The following FIGN variants were observed in gnomAD, a reference collection of about 807,000 sequenced individuals.
The protein encoded by FIGN is fidgetin.
Under a neutral mutation model 51.3 loss-of-function variants are expected in FIGN, and 11 were observed. The ratio of observed to expected loss-of-function variants is 0.21; its 90% CI spans 0.13 to 0.35. The LOEUF is 0.35. Ranked by LOEUF, FIGN falls within the 10% of genes least tolerant of loss-of-function variation. The pLI, the probability that FIGN is intolerant of heterozygous loss-of-function variation, is 1.00. For synonymous variants in FIGN, 407 were observed against 363.2 expected (o/e 1.12, Z -1.37); for missense variants, 857 against 943.6 (o/e 0.91, Z 1.20).
intron 2 of FIGN, among the ~76,000 whole-genome samples, chr2:163,629,459 T>G (rs1483478059): frequency 6.6e-6 from 1 of 152,044 alleles, no homozygotes; most frequent in Non-Finnish European, 1.5e-5. Context: ...ATTAGAGGAT[T>G]TTCCTCATTG....
intron 2 of FIGN, among the ~76,000 whole-genome samples, chr2:163,705,062 T>C (rs1160887501): frequency 6.6e-6 from 1 of 152,154 alleles, no homozygotes; most frequent in Non-Finnish European, 1.5e-5. Context: ...GACAACTTTA[T>C]AACACTTCTA....
chr2:163,686,532 G>A (rs1684152468), intron 2 of FIGN, among the ~76,000 whole-genome samples: 1 of 152,120 alleles, frequency 6.6e-6, no homozygotes, highest in Non-Finnish European at 1.5e-5. Context: ...AAAGAAGTGA[G>A]AAGTGTGGGC....
At chr2:163,630,813 A>T (rs1683134698) in intron 2 of FIGN, among the ~76,000 whole-genome samples, 1 of 152,172 alleles carries the variant, frequency 6.6e-6, no homozygotes, top group African/African-American at 2.4e-5. Flanking sequence ...ACTTTTTATT[A>T]TCTCTCCCTC....
At chr2:163,668,722 C>T (rs1186828830) in intron 2 of FIGN, among the ~76,000 whole-genome samples, 4 of 151,994 alleles carry the variant, frequency 2.6e-5, no homozygotes, top group African/African-American at 7.2e-5. Flanking sequence ...GGGCAGATCA[C>T]GAGGTCAGGA....
chr2:163,696,075 C>T (rs557109061), intron 2 of FIGN, among the ~76,000 whole-genome samples: 33 of 152,102 alleles, frequency 2.2e-4, no homozygotes, highest in African/African-American at 4.8e-4. Flanking sequence ...CATGCCACTG[C>T]ACTCCAGGAT....
At position 163,700,007 on chromosome 2, in the gene FIGN, G is replaced by C. The variant is rs545599236; in HGVS notation, c.25+34896C>G. ...CCTATGACTGACTGTATGAAATTAT[G>C]ATTGGAAGAAGAGATACAGAAAATT... is the stretch of plus-strand genomic sequence containing the variant. On this transcript the variant is annotated intron_variant, in intron 2 of 2. Coordinates refer to ENST00000333129, the MANE Select transcript of FIGN (RefSeq NM_018086.4). Among the ~76,000 whole-genome samples the C allele has an allele frequency of 3.3e-5, 5 of 152,110 alleles. No individual in the cohort carries two copies. In the South Asian group the frequency reaches 1.0e-3, roughly 32 times the overall value.
intron 2 of FIGN, among the ~76,000 whole-genome samples, chr2:163,625,881 AT>A (rs1381548270): frequency 2.0e-5 from 3 of 152,128 alleles, no homozygotes; most frequent in Non-Finnish European, 4.4e-5. Flanking sequence ...GACTCTGGTC[AT>A]TCTGAAATGA....
rs562496680 is a variant in FIGN, at chr2:163,677,153, G to T, written c.25+57750C>A. On this transcript the variant is annotated intron_variant, in intron 2 of 2. Transcript: ENST00000333129. ...TTGCAGAATGGGCATGGCTCTGCCA[G>T]ATTTTATCTATCTGAAAGATGATAT... is the stretch of plus-strand genomic sequence containing the variant. 3.3e-4 allele frequency among the ~76,000 whole-genome samples: 50 copies of T among 152,328 alleles called. No individual in the cohort carries two copies. In the South Asian group the frequency reaches 0.01, roughly 31 times the overall value.
rs142489881 is a variant in FIGN at position 163,704,497 on chromosome 2, G to A, written c.25+30406C>T. 6.6e-4 allele frequency among the ~76,000 whole-genome samples: 101 copies of A among 152,078 alleles called. 1 individual carries two copies. Among genetic ancestry groups the A allele is most frequent in the African/African-American group, 2.4e-3 (100 of 41,510 alleles). On this transcript the variant is annotated intron_variant, in intron 2 of 2. Coordinates refer to ENST00000333129, the MANE Select transcript of FIGN (RefSeq NM_018086.4). The stretch of plus-strand genomic sequence containing the variant: ...CAGGCACTGCGTGGGCTTTGGTGAT[G>A]TTACATAGGCCAATTTTTATTCCCA...
chr2:163,615,618 G>A (rs1451155206), intron 2 of FIGN, among the ~76,000 whole-genome samples: 7 of 152,254 alleles, frequency 4.6e-5, no homozygotes, highest in Admixed American at 6.5e-5. Context: ...ATACACCTGT[G>A]TCACTTAACT....
Position 163,624,709 on chromosome 2 carries a change from T to TATATA in FIGN, c.26-12904_26-12903insTATAT, listed in dbSNP as rs1553493913. ...ATACATACATATATATATATATATA[T>TATATA]TTTTTTTTTTCCTAGACAAGCTGTC... On this transcript the variant is annotated intron_variant, in intron 2 of 2. Coordinates refer to ENST00000333129, the MANE Select transcript of FIGN (RefSeq NM_018086.4). Among the ~76,000 whole-genome samples, 380 of 132,604 alleles carry TATATA rather than the reference T, an allele frequency of 2.9e-3. 2 individuals are homozygous for TATATA. The highest frequency in any genetic ancestry group is 3.8e-3 in the Non-Finnish European group (246 of 64,276). 87.0% of individuals were successfully genotyped at this position (132,604 alleles called of 152,430 possible).
chr2:163,610,231 A>G lies in FIGN; in HGVS notation c.1601T>C (p.Leu534Ser), dbSNP rs1460528032. Reference sequence around the variant, plus strand: ...CTGACTAGCGATGCATCTGCCCAATAATGTTTTGCCTGTCCCCCGAGGTCC... The same window carrying G: ...CTGACTAGCGATGCATCTGCCCAATGATGTTTTGCCTGTCCCCCGAGGTCC... ...LFGPRGTGKT[L>S]LGRCIASQLG... is the part of the protein sequence containing the mutation. Residue 534 changes from leucine (L) to serine (S), a missense_variant, in exon 3 of 3, where the codon TTA becomes TCA. Leu to Ser is a moderately radical substitution (Grantham distance 145). Coordinates refer to ENST00000333129, the MANE Select transcript of FIGN (RefSeq NM_018086.4). The G allele has an allele frequency of 3.1e-6, 5 of 1,613,918 alleles. No homozygotes were observed. The highest frequency in any genetic ancestry group is 2.2e-5 in the East Asian group (1 of 44,850).
At position 163,605,678 on chromosome 2, in the gene FIGN, A is replaced by G. The variant is rs181415040; in HGVS notation, c.*3874T>C. The G allele has an allele frequency of 6.6e-6, 1 of 152,038 alleles. No individual in the cohort carries two copies. The highest frequency in any genetic ancestry group is 6.6e-5 in the Admixed American group (1 of 15,238). 9.4% of individuals were successfully genotyped at this position (152,038 alleles called of 1,614,324 possible). On this transcript the variant is annotated 3_prime_UTR_variant, in exon 3 of 3. Coordinates refer to ENST00000333129, the MANE Select transcript of FIGN (RefSeq NM_018086.4). ...TTAGAACTTTACTTTAGTGGCCTCA[A>G]TAGTTCAACAAGCTGCGTCCCTTTC...
At chr2:163,692,269 C>A (rs983163738) in intron 2 of FIGN, among the ~76,000 whole-genome samples, 18 of 152,132 alleles carry the variant, frequency 1.2e-4, no homozygotes, top group Admixed American at 2.6e-4. Flanking sequence ...TTTCTAGAAG[C>A]ATCCAGGAGA....
intron 2 of FIGN, among the ~76,000 whole-genome samples, chr2:163,613,865 C>A (rs1682821892): frequency 6.6e-6 from 1 of 152,122 alleles, no homozygotes; most frequent in African/African-American, 2.4e-5. Flanking sequence ...ATTTGCAAAT[C>A]ACAACTCAGT....
intron 2 of FIGN, among the ~76,000 whole-genome samples, chr2:163,721,870 G>A (rs781718843): frequency 2.0e-5 from 3 of 152,074 alleles, no homozygotes; most frequent in Non-Finnish European, 4.4e-5. Flanking sequence ...GTTATTTAAC[G>A]AAATAATGTG....
chr2:163,704,637 C>CTCTG (rs1684467204), intron 2 of FIGN, among the ~76,000 whole-genome samples: 1 of 130,114 alleles, frequency 7.7e-6, no homozygotes, highest in Non-Finnish European at 1.6e-5. Flanking sequence ...CTCTCTCTCT[C>CTCTG]TCTCTCTCTC....
chr2:163,611,925 A>ACGATCACCG, intron 2 of FIGN, 119 bp from the exon 3 acceptor site: 1 of 530,254 alleles, frequency 1.9e-6, no homozygotes, highest in Non-Finnish European at 3.0e-6. Context: ...CATACTTTAA[A>ACGATCACCG]AGATCTACAC....
At chr2:163,662,234 A>G (rs965564787) in intron 2 of FIGN, among the ~76,000 whole-genome samples, 1 of 152,208 alleles carries the variant, frequency 6.6e-6, no homozygotes, top group Non-Finnish European at 1.5e-5. Flanking sequence ...GTTTTAGGAA[A>G]GAGACTGGTG....
Sources: gnomAD v4.1 joint callset for allele counts (sites outside exome capture counted in the v4.1 genomes callset) on GRCh38, gnomAD v4.1.1 for gene constraint, MANE v1.5 for transcripts, NCBI Gene and HGNC (gene_info 2026-07-23, HGNC 2026-07-21) for gene names.